Variants in LRRC8D observed in about 807,000 individuals in gnomAD.
LRRC8D encodes leucine rich repeat containing 8 VRAC subunit D.
In LRRC8D, 20 loss-of-function variants were observed where a neutral mutation model predicts 55.8. That is an observed-to-expected ratio of 0.36 (90% confidence interval 0.25 to 0.52). LRRC8D has a LOEUF of 0.52. Among genes scored for constraint, LRRC8D ranks in the 20% least tolerant of loss-of-function variants. The pLI is 0.93. For synonymous variants in LRRC8D, 352 were observed against 377.0 expected (o/e 0.93, Z 0.77); for missense variants, 651 against 1,030.8 (o/e 0.63, Z 5.05).
At chr1:89,889,786 G>A (rs1446676728) in intron 2 of LRRC8D, among the ~76,000 whole-genome samples, 2 of 152,060 alleles carry the variant, frequency 1.3e-5, no homozygotes, top group Non-Finnish European at 2.9e-5. Context: ...GGGAGGCTGA[G>A]GTAGGAGGAT....
chr1:89,924,460 T>C (rs1557486320), intron 2 of LRRC8D, among the ~76,000 whole-genome samples: 1 of 152,234 alleles, frequency 6.6e-6, no homozygotes, highest in Non-Finnish European at 1.5e-5. Context: ...ACTTACGCAC[T>C]GCTGGTGGGG....
intron 2 of LRRC8D, among the ~76,000 whole-genome samples, chr1:89,916,511 T>C (rs146508546): frequency 2.3e-4 from 35 of 152,328 alleles, no homozygotes; most frequent in African/African-American, 7.9e-4. Flanking sequence ...CTAAAATGTT[T>C]TTTAATGTCA....
chr1:89,862,639 A>T (rs1570833662), intron 2 of LRRC8D, among the ~76,000 whole-genome samples: 1 of 152,330 alleles, frequency 6.6e-6, no homozygotes, highest in African/African-American at 2.4e-5. Flanking sequence ...CATTTTTGTC[A>T]GATGATAAAA....
chr1:89,821,632 C>T (rs1660635270), intron 1 of LRRC8D, among the ~76,000 whole-genome samples: 1 of 152,182 alleles, frequency 6.6e-6, no homozygotes, highest in Non-Finnish European at 1.5e-5. Flanking sequence ...CCTCCCTCCG[C>T]CCTATCGGAA....
chr1:89,860,710 A>G (rs1661681124), intron 2 of LRRC8D, among the ~76,000 whole-genome samples: 1 of 135,266 alleles, frequency 7.4e-6, no homozygotes, highest in Non-Finnish European at 1.5e-5. Flanking sequence ...GTGAGCCGAG[A>G]TCACGCCACT....
rs777359248 is a variant in LRRC8D at position 89,933,596 on chromosome 1, C to T, written c.528C>T (p.Leu176=). 6.2e-7 allele frequency: 1 copy of T among 1,614,144 alleles called. No homozygotes were observed. Among genetic ancestry groups the T allele is most frequent in the South Asian group, 1.1e-5 (1 of 91,074 alleles). ...PYLALIHTII[L]MVSSNFWFKY... ...TAGCTCTTATACATACTATTATTCT[C>T]ATGGTCAGTAGCAACTTTTGGTTCA... Residue 176 remains leucine, a synonymous_variant, in exon 3 of 3, where the codon CTC becomes CTT. Transcript: ENST00000337338. The surrounding 1 kb of genome is among the most constrained non-coding windows in gnomAD (Gnocchi z 7.0).
At chr1:89,844,750 T>G (rs1180626584) in intron 2 of LRRC8D, among the ~76,000 whole-genome samples, 3 of 152,192 alleles carry the variant, frequency 2.0e-5, no homozygotes, top group Non-Finnish European at 2.9e-5. Context: ...TAACTCAGAT[T>G]GACTTCTCCC....
Position 89,921,528 on chromosome 1 carries a change from G to GTTTGT in LRRC8D, c.-2-11515_-2-11511dup, listed in dbSNP as rs544595128. On this transcript the variant is annotated intron_variant, in intron 2 of 2. Coordinates refer to ENST00000337338, the MANE Select transcript of LRRC8D (RefSeq NM_001134479.2). ...AAACTTTTAAAGGTTTTTTTTGTTT[G>GTTTGT]TTTGTTTTGTTTTGTTTTGTTTTGT... Among the ~76,000 whole-genome samples, 490 of 149,586 alleles carry GTTTGT rather than the reference G, an allele frequency of 3.3e-3. 1 individual carries two copies. Among genetic ancestry groups the GTTTGT allele is most frequent in the East Asian group, 0.012 (63 of 5,156 alleles).
intron 2 of LRRC8D, among the ~76,000 whole-genome samples, chr1:89,877,609 A>C (rs1396646817): frequency 1.3e-5 from 2 of 152,122 alleles, no homozygotes; most frequent in Non-Finnish European, 2.9e-5. Context: ...TGGCTAATGC[A>C]GCCTGTTCCT....
chr1:89,921,163 A>G (rs1404859047), intron 2 of LRRC8D, among the ~76,000 whole-genome samples: 1 of 152,224 alleles, frequency 6.6e-6, no homozygotes, highest in Non-Finnish European at 1.5e-5. Context: ...CAGGAGTTCA[A>G]GACCAGCCTA....
intron 2 of LRRC8D, among the ~76,000 whole-genome samples, chr1:89,904,352 T>C (rs192798636): frequency 3.9e-5 from 6 of 152,222 alleles, no homozygotes; most frequent in Non-Finnish European, 7.3e-5. Flanking sequence ...ATCCTGTAGT[T>C]TAACAGATGT....
intron 2 of LRRC8D, among the ~76,000 whole-genome samples, chr1:89,865,821 TC>T (rs1184243417): frequency 6.6e-6 from 1 of 152,242 alleles, no homozygotes; most frequent in Non-Finnish European, 1.5e-5. Flanking sequence ...TATATCTAAT[TC>T]AACTATTGGC....
chr1:89,846,312 ATT>A (rs35802731), intron 2 of LRRC8D, among the ~76,000 whole-genome samples: 278 of 140,916 alleles, frequency 2.0e-3, no homozygotes, highest in South Asian at 0.02. Context: ...TATATGATGT[ATT>A]TTTTTTTTTT....
intron 1 of LRRC8D, 66 bp downstream of exon 1, chr1:89,821,357 G>A (rs1460767714): frequency 1.3e-5 from 2 of 152,244 alleles, no homozygotes; most frequent in East Asian, 3.9e-4. Flanking sequence ...AGGTGGAGCC[G>A]CGCCGAGCCG....
At chr1:89,889,363 A>G (rs925105818) in intron 2 of LRRC8D, among the ~76,000 whole-genome samples, 7 of 152,172 alleles carry the variant, frequency 4.6e-5, no homozygotes, top group African/African-American at 1.7e-4. Flanking sequence ...AATAAATGTA[A>G]TATGGTATCC....
In LRRC8D at chr1:89,907,183, C is replaced by CTTTTTTTTT. The variant is rs71584958; in HGVS notation, c.-2-25866_-2-25858dup. Among the ~76,000 whole-genome samples the CTTTTTTTTT allele has an allele frequency of 8.6e-5, 6 of 69,812 alleles. 1 individual carries two copies. The highest frequency in any genetic ancestry group is 2.1e-4 in the Admixed American group (1 of 4,770). The allele number at this position is 69,812 out of a possible 152,430, so 45.8% of individuals were successfully genotyped here. A position where few individuals can be genotyped will look rare whatever the true frequency, so the allele number is the denominator to read the frequency against. On this transcript the variant is annotated intron_variant, in intron 2 of 2. Transcript: ENST00000337338. The stretch of plus-strand genomic sequence containing the variant: ...TTGGGCTTCCTGTCTTCCACTGTGT[C>CTTTTTTTTT]TTTTTTTTTTTTTTTTTTTTTTTTT...
At chr1:89,862,477 G>A (rs116762760) in intron 2 of LRRC8D, among the ~76,000 whole-genome samples, 2,348 of 152,264 alleles carry the variant, frequency 0.015, 57 homozygotes, top group African/African-American at 0.054. Flanking sequence ...TTATTTGGTT[G>A]TTCTAGGTTA....
chr1:89,917,249 C>A (rs761142265), intron 2 of LRRC8D, among the ~76,000 whole-genome samples: 8 of 152,174 alleles, frequency 5.3e-5, no homozygotes, highest in Non-Finnish European at 1.0e-4. Flanking sequence ...CTACCACTCA[C>A]AACCTAGTTT....
intron 2 of LRRC8D, among the ~76,000 whole-genome samples, chr1:89,922,995 A>G (rs1479770320): frequency 6.6e-6 from 1 of 152,154 alleles, no homozygotes; most frequent in African/African-American, 2.4e-5. Context: ...ATTTTTTTTC[A>G]TTACTACTAA....
Sources: allele counts gnomAD v4.1 joint callset (sites outside exome capture counted in the v4.1 genomes callset), GRCh38; gene constraint gnomAD v4.1.1; non-coding constraint Gnocchi (gnomAD v3.1); transcripts MANE v1.5; gene names NCBI Gene and HGNC (gene_info 2026-07-23, HGNC 2026-07-21).